The following NIPA1 variants were observed in gnomAD, a reference collection of about 807,000 sequenced individuals.
The protein encoded by NIPA1 is NIPA magnesium transporter 1.
A neutral mutation model predicts 23.9 loss-of-function variants in NIPA1; 13 were observed. That is an observed-to-expected ratio of 0.54 (90% CI 0.35 to 0.87). The LOEUF (loss-of-function observed/expected upper bound fraction) is 0.87. Among genes scored for constraint, NIPA1 ranks in the 40% least tolerant of loss-of-function variants. NIPA1 has a pLI of 0.01. For synonymous variants in NIPA1, 234 were observed against 202.9 expected (o/e 1.15, Z -1.30); for missense variants, 362 against 429.7 (o/e 0.84, Z 1.39).
In NIPA1 at chr15:22,809,574, G is replaced by A. The variant is rs780477701; in HGVS notation, c.179-1175G>A. Among the ~76,000 whole-genome samples, 6 of 151,754 alleles carry A rather than the reference G, an allele frequency of 4.0e-5. No homozygotes were observed. The South Asian group carries it at 6.3e-4, about 16-fold the overall frequency. On this transcript the variant is annotated intron_variant, in intron 1 of 4. Coordinates refer to ENST00000337435, the MANE Select transcript of NIPA1 (RefSeq NM_144599.5). ...AGCCTGACCAATTTGGTGAAACCCC[G>A]TCTCTACTAAAAATTCAAAAATTAG...
intron 2 of NIPA1, among the ~76,000 whole-genome samples, chr15:22,811,241 T>G (rs1365749110): frequency 1.2e-4 from 19 of 152,140 alleles, no homozygotes; most frequent in Admixed American, 1.2e-3. Context: ...TGCTATAATG[T>G]AAAGATAAAT....
At chr15:22,808,960 G>A (rs28480536) in intron 1 of NIPA1, among the ~76,000 whole-genome samples, 7,298 of 152,042 alleles carry the variant, frequency 0.048, 686 homozygotes, top group East Asian at 0.44. Context: ...GTGAGCCGCC[G>A]GGCCCAGCCC....
intron 3 of NIPA1, among the ~76,000 whole-genome samples, chr15:22,817,604 C>A (rs1333071521): frequency 6.7e-6 from 1 of 150,334 alleles, no homozygotes; most frequent in Non-Finnish European, 1.5e-5. Context: ...AGATCAAGAC[C>A]ATCCTGGCTA....
chr15:22,787,717 C>T (rs184944022), intron 1 of NIPA1, among the ~76,000 whole-genome samples: 2 of 152,250 alleles, frequency 1.3e-5, no homozygotes, highest in African/African-American at 4.8e-5. Context: ...CTTGGCCATA[C>T]TCTTAGAAGA....
intron 1 of NIPA1, among the ~76,000 whole-genome samples, chr15:22,804,420 C>A (rs1895158243): frequency 6.6e-6 from 1 of 152,178 alleles, no homozygotes; most frequent in Non-Finnish European, 1.5e-5. Flanking sequence ...TGCGCCTGGC[C>A]TAAAAGTTCC....
chr15:22,797,447 C>A (rs1391257445), intron 1 of NIPA1, among the ~76,000 whole-genome samples: 18 of 151,156 alleles, frequency 1.2e-4, no homozygotes, highest in Admixed American at 1.2e-3. Flanking sequence ...CTCCTGACCT[C>A]GTGATCCACC....
At chr15:22,817,935 G>A (rs11263684) in intron 3 of NIPA1, among the ~76,000 whole-genome samples, 53,205 of 152,018 alleles carry the variant, frequency 0.35, 10,788 homozygotes, top group East Asian at 0.57. Flanking sequence ...AACTGGCCAG[G>A]CACAGTGGCT....
At chr15:22,820,089 C>A (rs1382674799) in intron 3 of NIPA1, among the ~76,000 whole-genome samples, 2 of 151,912 alleles carry the variant, frequency 1.3e-5, no homozygotes, top group East Asian at 1.9e-4. Flanking sequence ...CCCAGCTACT[C>A]CGGTGGCTGA....
Position 22,824,419 on chromosome 15 carries a change from T to C in NIPA1, c.*180T>C. The C allele has an allele frequency of 1.6e-6, 1 of 639,140 alleles. No homozygotes were observed. The allele number at this position is 639,140 out of a possible 1,614,324, so 39.6% of individuals were successfully genotyped here. A position where few individuals can be genotyped will look rare whatever the true frequency, so the allele number is the denominator to read the frequency against. On this transcript the variant is annotated 3_prime_UTR_variant, in exon 5 of 5. Transcript: ENST00000337435. The surrounding 1 kb of genome is among the most constrained non-coding windows in gnomAD (Gnocchi z 4.1). ...ACCAGAGCAGAGGCCCAGCCAGCCCTCTGCAGCCCAAACGTCCCCAACGGT... is the reference window on the plus strand; with the variant it reads ...ACCAGAGCAGAGGCCCAGCCAGCCCCCTGCAGCCCAAACGTCCCCAACGGT...
chr15:22,822,601 G>A (rs981683694), intron 4 of NIPA1, among the ~76,000 whole-genome samples: 6 of 152,158 alleles, frequency 3.9e-5, no homozygotes, highest in Non-Finnish European at 8.8e-5. Context: ...GGCCGAGGAC[G>A]GCGGATCACC....
intron 1 of NIPA1, among the ~76,000 whole-genome samples, chr15:22,791,813 G>A (rs1280256844): frequency 6.6e-6 from 1 of 152,136 alleles, no homozygotes; most frequent in Admixed American, 6.6e-5. Context: ...CAGATACACA[G>A]TACAACTCCC....
chr15:22,794,486 G>A (rs933643465), intron 1 of NIPA1, among the ~76,000 whole-genome samples: 1 of 152,022 alleles, frequency 6.6e-6, no homozygotes, highest in Non-Finnish European at 1.5e-5. Context: ...CTTCAAAATG[G>A]TTAAGATGAT....
chr15:22,802,552 CTTGT>C (rs900419309), intron 1 of NIPA1, among the ~76,000 whole-genome samples: 2 of 151,922 alleles, frequency 1.3e-5, no homozygotes, highest in African/African-American at 2.4e-5. Flanking sequence ...TCAACTATTT[CTTGT>C]TTAAGTATTG....
Position 22,817,169 on chromosome 15 carries a change from A to T in NIPA1, c.318-3144A>T, listed in dbSNP as rs150321521. Among the ~76,000 whole-genome samples the T allele has an allele frequency of 2.4e-3, 323 of 135,590 alleles. 1 individual carries two copies. The highest frequency in any genetic ancestry group is 9.0e-3 in the African/African-American group (306 of 34,102). 89.0% of individuals were successfully genotyped at this position (135,590 alleles called of 152,430 possible). ...GCCACTGCACTCCAGCCCAGGCAACAGAGTGAGACTCTGTCTCAAAAAAAA... is the reference window on the plus strand; with the variant it reads ...GCCACTGCACTCCAGCCCAGGCAACTGAGTGAGACTCTGTCTCAAAAAAAA... On this transcript the variant is annotated intron_variant, in intron 3 of 4. Transcript: ENST00000337435.
At chr15:22,815,292 A>G (rs979282121) in intron 3 of NIPA1, among the ~76,000 whole-genome samples, 1 of 152,144 alleles carries the variant, frequency 6.6e-6, no homozygotes, top group Non-Finnish European at 1.5e-5. Context: ...AATTCTGACA[A>G]TTGACCTGTT....
chr15:22,797,183 G>C (rs927391934), intron 1 of NIPA1, among the ~76,000 whole-genome samples: 2 of 149,894 alleles, frequency 1.3e-5, no homozygotes, highest in African/African-American at 5.0e-5. Context: ...GGGATTACAT[G>C]TGAACACCAC....
intron 1 of NIPA1, among the ~76,000 whole-genome samples, chr15:22,804,196 T>G (rs1895149987): frequency 6.6e-6 from 1 of 152,028 alleles, no homozygotes; most frequent in African/African-American, 2.4e-5. Context: ...CAGGCTGGTG[T>G]CGAACCCCTG....
At chr15:22,796,904 A>G (rs1407376982) in intron 1 of NIPA1, among the ~76,000 whole-genome samples, 1 of 152,170 alleles carries the variant, frequency 6.6e-6, no homozygotes, top group African/African-American at 2.4e-5. Flanking sequence ...GCTTAGTCAT[A>G]TTTTTAAAAA....
intron 1 of NIPA1, among the ~76,000 whole-genome samples, chr15:22,808,164 A>G (rs1379270357): frequency 6.6e-6 from 1 of 152,134 alleles, no homozygotes; most frequent in Non-Finnish European, 1.5e-5. Context: ...TCACACTAGT[A>G]TTCTGGACCT....
Sources: allele counts gnomAD v4.1 joint callset (sites outside exome capture counted in the v4.1 genomes callset), GRCh38; gene constraint gnomAD v4.1.1; non-coding constraint Gnocchi (gnomAD v3.1); transcripts MANE v1.5; gene names NCBI Gene and HGNC (gene_info 2026-07-23, HGNC 2026-07-21).